MYO3A: variants seen among roughly 807,000 people sequenced by gnomAD.
MYO3A encodes myosin IIIA.
Under a neutral mutation model 192.7 loss-of-function variants are expected in MYO3A, and 180 were observed. The ratio of observed to expected loss-of-function variants is 0.93; its 90% CI spans 0.83 to 1.06. The LOEUF is 1.06. MYO3A is among the 50% of genes least tolerant of loss of function. The probability of loss-of-function intolerance (pLI) is 0.00; values close to 1 mark genes in which losing one functional copy is unlikely to be tolerated. For missense variants in MYO3A, 1,896 were observed against 1,905.0 expected, an observed-to-expected ratio of 1.00 and a Z score of 0.09; for synonymous variants, 628 against 645.3, an observed-to-expected ratio of 0.97 and a Z score of 0.41.
intron 17 of MYO3A, among the ~76,000 whole-genome samples, chr10:26,115,737 A>G (rs1838463645): frequency 6.6e-6 from 1 of 152,212 alleles, no homozygotes. Context: ...TGGACAGGGC[A>G]GGCTTACAAG....
At chr10:26,016,665 A>T (rs991006956) in intron 6 of MYO3A, among the ~76,000 whole-genome samples, 155 bp from the exon 7 acceptor site, 1 of 152,318 alleles carries the variant, frequency 6.6e-6, no homozygotes, top group Non-Finnish European at 1.5e-5. Flanking sequence ...GCTCTGCAGA[A>T]ATCCTGATTT....
At chr10:26,012,482 T>C (rs80001747) in intron 6 of MYO3A, among the ~76,000 whole-genome samples, 5,149 of 152,130 alleles carry the variant, frequency 0.034, 135 homozygotes, top group Middle Eastern at 0.068. Context: ...GACTCAATCC[T>C]TTTACAATAG....
intron 10 of MYO3A, among the ~76,000 whole-genome samples, chr10:26,053,866 G>A (rs1335831645): frequency 2.0e-5 from 3 of 152,060 alleles, no homozygotes; most frequent in African/African-American, 7.2e-5. Flanking sequence ...AACAATATAA[G>A]AGGGACTGGA....
chr10:26,153,943 T>C lies in MYO3A; in HGVS notation c.2715+14T>C, dbSNP rs940568111. 4 of 1,546,772 alleles carry C rather than the reference T, an allele frequency of 2.6e-6. No homozygotes were observed. In the African/African-American group the frequency reaches 5.4e-5, roughly 21 times the overall value. ...AACCTGGCAAAGGTAAGAAAATGCT[T>C]TTTTTCTTGGCAGTGAGTCTAAGAA... On this transcript the variant is annotated intron_variant, in intron 24 of 34. Transcript: ENST00000642920.
At chr10:26,129,809 A>G (rs1229080591) in intron 20 of MYO3A, among the ~76,000 whole-genome samples, 4 of 152,242 alleles carry the variant, frequency 2.6e-5, no homozygotes, top group South Asian at 2.1e-4. Flanking sequence ...CAAGTGTTCA[A>G]TAAGTAATGT....
chr10:26,028,788 T>C (rs573831410), intron 10 of MYO3A, among the ~76,000 whole-genome samples: 2 of 152,276 alleles, frequency 1.3e-5, no homozygotes, highest in African/African-American at 4.8e-5. Context: ...TATGTTCACA[T>C]TGGTTCTCCT....
Position 26,193,280 on chromosome 10 carries a change from C to T in MYO3A, c.4514C>T (p.Pro1505Leu). 2 of 1,613,806 alleles carry T rather than the reference C, an allele frequency of 1.2e-6. No individual in the cohort carries two copies. Among genetic ancestry groups the T allele is most frequent in the Non-Finnish European group, 1.7e-6 (2 of 1,179,848 alleles). ...RPRKPKTLNNPEDSTYYYLLH... is the reference protein window; with the variant it reads ...RPRKPKTLNNLEDSTYYYLLH... ...CGGAAACCCAAAACATTAAATAACCCTGAAGACTCCACATACTATTATCTA... is the reference window on the plus strand; with the variant it reads ...CGGAAACCCAAAACATTAAATAACCTTGAAGACTCCACATACTATTATCTA... Residue 1505 changes from proline to leucine, a missense_variant, in exon 32 of 35, where the codon CCT becomes CTT. By Grantham distance (98) the Pro-to-Leu change is moderately conservative (BLOSUM62 -3). Transcript: ENST00000642920.
chr10:26,008,282 A>C (rs1841372601), intron 6 of MYO3A, among the ~76,000 whole-genome samples: 1 of 148,306 alleles, frequency 6.7e-6, no homozygotes, highest in Non-Finnish European at 1.5e-5. Flanking sequence ...TAAAAACCCT[A>C]GAAGAAAACC....
chr10:26,096,111 T>G (rs1837013357), intron 15 of MYO3A, among the ~76,000 whole-genome samples: 1 of 152,220 alleles, frequency 6.6e-6, no homozygotes, highest in Admixed American at 6.5e-5. Flanking sequence ...TTGCTCCTGC[T>G]ATATCCCCAG....
chr10:26,176,242 G>C (rs1430768560), intron 30 of MYO3A, among the ~76,000 whole-genome samples: 1 of 151,540 alleles, frequency 6.6e-6, no homozygotes, highest in African/African-American at 2.4e-5. Context: ...TGCAGTGAGC[G>C]GAGATCGCAC....
At chr10:26,130,582 A>G (rs904437917) in intron 20 of MYO3A, among the ~76,000 whole-genome samples, 4 of 152,234 alleles carry the variant, frequency 2.6e-5, no homozygotes, top group African/African-American at 9.6e-5. Context: ...AAAACATTCA[A>G]CTAGAATCCA....
chr10:26,031,225 C>T (rs1401817860), intron 10 of MYO3A, among the ~76,000 whole-genome samples: 3 of 152,164 alleles, frequency 2.0e-5, no homozygotes, highest in Non-Finnish European at 1.5e-5. Context: ...TTGGATGGCT[C>T]AGAGAATGGA....
At chr10:26,076,829 T>C (rs1447943606) in intron 14 of MYO3A, among the ~76,000 whole-genome samples, 1 of 152,150 alleles carries the variant, frequency 6.6e-6, no homozygotes, top group African/African-American at 2.4e-5. Flanking sequence ...ATTTCCAGGT[T>C]CTCTATTTTG....
intron 32 of MYO3A, among the ~76,000 whole-genome samples, chr10:26,194,984 ACC>A (rs1843338360): frequency 6.6e-6 from 1 of 152,158 alleles, no homozygotes; most frequent in African/African-American, 2.4e-5. Flanking sequence ...CATACAATTA[ACC>A]CACCTTAATA....
chr10:26,024,199 T>C, intron 9 of MYO3A, 112 bp downstream of exon 9: 1 of 1,053,970 alleles, frequency 9.5e-7, no homozygotes, highest in Non-Finnish European at 1.4e-6. Flanking sequence ...TATTATTTTC[T>C]TCAAAGGAAG....
At chr10:26,056,409 T>C (rs779618407) in intron 10 of MYO3A, among the ~76,000 whole-genome samples, 5 of 152,170 alleles carry the variant, frequency 3.3e-5, no homozygotes, top group Admixed American at 3.3e-4. Flanking sequence ...ACAAATATTT[T>C]AAGCAACAAT....
chr10:26,099,387 T>C (rs1329727099), intron 17 of MYO3A, among the ~76,000 whole-genome samples: 3 of 152,220 alleles, frequency 2.0e-5, no homozygotes, highest in Non-Finnish European at 2.9e-5. Flanking sequence ...CTTTTCCTAA[T>C]TGAATACCCT....
intron 31 of MYO3A, among the ~76,000 whole-genome samples, chr10:26,180,713 CAA>C (rs35539016): frequency 9.7e-5 from 13 of 133,404 alleles, no homozygotes; most frequent in East Asian, 8.5e-4. Flanking sequence ...GAAATAATAG[CAA>C]AAAAAAAAAA....
chr10:26,048,555 A>ATGTGTG (rs71508762), intron 10 of MYO3A, among the ~76,000 whole-genome samples: 156 of 150,764 alleles, frequency 1.0e-3, no homozygotes, highest in South Asian at 8.4e-3. Context: ...ATATATACAT[A>ATGTGTG]TGTGTGTGTG....
Sources: gnomAD v4.1 joint callset for allele counts (sites outside exome capture counted in the v4.1 genomes callset) on GRCh38, gnomAD v4.1.1 for gene constraint, MANE v1.5 for transcripts, NCBI Gene and HGNC (gene_info 2026-07-23, HGNC 2026-07-21) for gene names.